Variants in AUTS2 observed in about 807,000 individuals in gnomAD.
AUTS2 encodes the protein activator of transcription and developmental regulator AUTS2.
A neutral mutation model predicts 112.4 loss-of-function variants in AUTS2; 17 were observed. The observed-to-expected ratio is 0.15, with a 90% CI of 0.10 to 0.23. The LOEUF (loss-of-function observed/expected upper bound fraction) is 0.23, where lower values mean the gene tolerates loss of function less well. Ranked by LOEUF, AUTS2 falls within the 10% of genes least tolerant of loss-of-function variation. The pLI is 1.00. For missense variants in AUTS2, 1,510 were observed against 1,701.6 expected (o/e 0.89, Z 1.98); for synonymous variants, 751 against 702.7 (o/e 1.07, Z -1.09).
intron 3 of AUTS2, among the ~76,000 whole-genome samples, chr7:70,124,871 C>T (rs928629776): frequency 6.6e-6 from 1 of 152,186 alleles, no homozygotes; most frequent in Admixed American, 6.5e-5. Context: ...CAGCTTCAGT[C>T]TTCTTTAATG....
chr7:70,299,004 T>G (rs1789075360), intron 4 of AUTS2, among the ~76,000 whole-genome samples: 1 of 152,198 alleles, frequency 6.6e-6, no homozygotes, highest in African/African-American at 2.4e-5. Context: ...ATTAAACCAT[T>G]AAGGCAATTA....
intron 2 of AUTS2, among the ~76,000 whole-genome samples, chr7:69,941,717 A>C (rs1796634254): frequency 1.3e-5 from 2 of 152,028 alleles, no homozygotes; most frequent in Non-Finnish European, 2.9e-5. Flanking sequence ...AGTAGTATAG[A>C]GTTAACCTCA....
intron 2 of AUTS2, among the ~76,000 whole-genome samples, chr7:70,037,607 C>A (rs1050049012): frequency 2.6e-5 from 4 of 151,986 alleles, no homozygotes; most frequent in Non-Finnish European, 4.4e-5. Context: ...TTATAATGCT[C>A]TGTTCTTTTA....
chr7:70,073,406 G>A (rs1051235447), intron 2 of AUTS2, among the ~76,000 whole-genome samples: 1 of 151,700 alleles, frequency 6.6e-6, no homozygotes, highest in Non-Finnish European at 1.5e-5. Flanking sequence ...AGCTACTCGG[G>A]GGGCTGTGGC....
chr7:69,672,500 CAA>C (rs1355534763), intron 1 of AUTS2, among the ~76,000 whole-genome samples: 2 of 152,166 alleles, frequency 1.3e-5, no homozygotes, highest in Non-Finnish European at 2.9e-5. Context: ...AACACTGAGA[CAA>C]AGCATGATTT....
intron 2 of AUTS2, among the ~76,000 whole-genome samples, chr7:69,932,203 G>A (rs1004092385): frequency 6.6e-6 from 1 of 152,138 alleles, no homozygotes; most frequent in Admixed American, 6.5e-5. Context: ...GCTTTGCATG[G>A]TTCTGGCTCC....
chr7:70,026,375 T>TGA (rs1800525548), intron 2 of AUTS2, among the ~76,000 whole-genome samples: 1 of 152,138 alleles, frequency 6.6e-6, no homozygotes, highest in African/African-American at 2.4e-5. Flanking sequence ...CAGACAGAGG[T>TGA]GAGAGCAGGC....
intron 5 of AUTS2, among the ~76,000 whole-genome samples, chr7:70,581,373 C>T (rs554582641): frequency 4.9e-4 from 74 of 152,046 alleles, no homozygotes; most frequent in East Asian, 9.7e-4. Context: ...GCAAGAAGAG[C>T]GAAACTCCGT....
At chr7:69,922,304 T>C (rs930125111) in intron 2 of AUTS2, among the ~76,000 whole-genome samples, 5 of 152,330 alleles carry the variant, frequency 3.3e-5, no homozygotes, top group African/African-American at 1.2e-4. Flanking sequence ...ATTGGGGCAA[T>C]AAACTGTTGG....
At chr7:70,624,817 A>C (rs1307883529) in intron 5 of AUTS2, among the ~76,000 whole-genome samples, 1 of 152,056 alleles carries the variant, frequency 6.6e-6, no homozygotes, top group Admixed American at 6.5e-5. Flanking sequence ...TAGAGATAGG[A>C]AAGAATTTGA....
chr7:69,909,721 A>T (rs1795280731), intron 2 of AUTS2, among the ~76,000 whole-genome samples: 1 of 152,192 alleles, frequency 6.6e-6, no homozygotes, highest in South Asian at 2.1e-4. Flanking sequence ...AAAAATTCTC[A>T]TAAGAATTTT....
intron 1 of AUTS2, among the ~76,000 whole-genome samples, chr7:69,844,917 A>AT (rs1208293994): frequency 6.6e-6 from 1 of 152,126 alleles, no homozygotes; most frequent in African/African-American, 2.4e-5. Context: ...CTAAAAATTC[A>AT]TTTTTCTGGT....
rs57000704 is a variant in AUTS2, at chr7:70,043,954, T to C, written c.523-74178T>C. Among the ~76,000 whole-genome samples the C allele has an allele frequency of 1.3e-5, 2 of 152,010 alleles. 1 individual carries two copies. The highest frequency in any genetic ancestry group is 2.9e-5 in the Non-Finnish European group (2 of 67,992). ...TCTATGTATTCTCTTGGTGGTGATA[T>C]GAGTTGAAGGGTGGGAGTAGGGGTG... is the stretch of plus-strand genomic sequence containing the variant. On this transcript the variant is annotated intron_variant, in intron 2 of 18. Coordinates refer to ENST00000342771, the MANE Select transcript of AUTS2 (RefSeq NM_015570.4).
chr7:70,404,008 A>G (rs1794430541), intron 4 of AUTS2, among the ~76,000 whole-genome samples: 1 of 152,212 alleles, frequency 6.6e-6, no homozygotes, highest in Non-Finnish European at 1.5e-5. Flanking sequence ...ATAACAGTAT[A>G]TTTTTAAGAA....
chr7:70,558,109 GGACACCTC>G, intron 5 of AUTS2, among the ~76,000 whole-genome samples: 1 of 152,026 alleles, frequency 6.6e-6, no homozygotes, highest in Non-Finnish European at 1.5e-5. Flanking sequence ...ATAAGCACAG[GGACACCTC>G]ACTGTATCAG....
chr7:69,876,774 G>A (rs915348865), intron 1 of AUTS2, among the ~76,000 whole-genome samples: 1 of 151,838 alleles, frequency 6.6e-6, no homozygotes, highest in Non-Finnish European at 1.5e-5. Context: ...TGACCTAGTA[G>A]TATTAACAGG....
At chr7:70,304,430 C>T (rs941100459) in intron 4 of AUTS2, among the ~76,000 whole-genome samples, 8 of 152,160 alleles carry the variant, frequency 5.3e-5, no homozygotes, top group African/African-American at 1.2e-4. Flanking sequence ...CAGTTAACTG[C>T]CCTGGATCCG....
chr7:69,617,344 A>G (rs1386114663), intron 1 of AUTS2, among the ~76,000 whole-genome samples: 14 of 152,190 alleles, frequency 9.2e-5, no homozygotes, highest in Non-Finnish European at 2.1e-4. Context: ...TGGGTTAGAT[A>G]AGGCTCCTCT....
At chr7:70,027,303 C>A (rs767125691) in intron 2 of AUTS2, among the ~76,000 whole-genome samples, 1 of 152,142 alleles carries the variant, frequency 6.6e-6, no homozygotes, top group South Asian at 2.1e-4. Flanking sequence ...TTAGCCTTGT[C>A]GGGTTTTCCT....
Sources: allele counts gnomAD v4.1 joint callset (sites outside exome capture counted in the v4.1 genomes callset), GRCh38; gene constraint gnomAD v4.1.1; transcripts MANE v1.5; gene names NCBI Gene and HGNC (gene_info 2026-07-23, HGNC 2026-07-21).